Variants in KCNG3 observed in about 807,000 individuals in gnomAD.
KCNG3 encodes voltage-gated potassium channel regulatory subunit KCNG3.
KCNG3 carries 15 observed loss-of-function variants against 29.0 expected under a neutral mutation model. The ratio of observed to expected loss-of-function variants is 0.52; its 90% CI spans 0.35 to 0.80. The LOEUF (loss-of-function observed/expected upper bound fraction) is 0.80. Among genes scored for constraint, KCNG3 ranks in the 30% least tolerant of loss-of-function variants. The pLI is 0.01. For synonymous variants in KCNG3, 322 were observed against 248.9 expected (o/e 1.29, Z -2.76); for missense variants, 512 against 605.7 (o/e 0.85, Z 1.62).
At chr2:42,411,138 T>G in the KCNG3 span, among the ~76,000 whole-genome samples, 1 of 152,230 alleles carries the variant, frequency 6.6e-6, no homozygotes, top group Non-Finnish European at 1.5e-5. Context: ...TCTGTTTTAT[T>G]GATATGTCTA....
At chr2:42,479,749 G>A (rs994682640) in intron 1 of KCNG3, among the ~76,000 whole-genome samples, 1 of 150,646 alleles carries the variant, frequency 6.6e-6, no homozygotes. Flanking sequence ...GGTGACTCAC[G>A]CCTGTAATCC....
intron 1 of KCNG3, among the ~76,000 whole-genome samples, chr2:42,484,243 C>T (rs1268997717): frequency 1.3e-5 from 2 of 152,188 alleles, no homozygotes; most frequent in Non-Finnish European, 1.5e-5. Flanking sequence ...GGGTGGATCA[C>T]CTGAGGTCAG....
chr2:42,474,426 G>A (rs1230029377), intron 1 of KCNG3, among the ~76,000 whole-genome samples: 2 of 152,004 alleles, frequency 1.3e-5, no homozygotes, highest in Non-Finnish European at 2.9e-5. Flanking sequence ...TACTCGGGAG[G>A]CTGAGGCACG....
chr2:42,425,044 T>G, the KCNG3 span: 24,173 of 152,094 alleles, frequency 0.16, 2,037 homozygotes, highest in African/African-American at 0.22. Flanking sequence ...AACCCCCTCC[T>G]GGCGCTGCGG....
chr2:42,436,264 G>A, the KCNG3 span, among the ~76,000 whole-genome samples: 1 of 152,026 alleles, frequency 6.6e-6, no homozygotes, highest in Non-Finnish European at 1.5e-5. Context: ...ACTGCTAATG[G>A]GCACAGGGTA....
chr2:42,461,095 A>G (rs1673005037), intron 1 of KCNG3, among the ~76,000 whole-genome samples: 1 of 146,078 alleles, frequency 6.8e-6, no homozygotes, highest in South Asian at 2.2e-4. Flanking sequence ...CAGGAGGTGG[A>G]GCTTGCAGTG....
In KCNG3 at chr2:42,444,019, T is replaced by A; in HGVS notation, c.1226A>T (p.Tyr409Phe). The change falls in exon 2 of 2, where the codon TAC (tyrosine) becomes TTC (phenylalanine). Residue 409 changes from tyrosine (Y) to phenylalanine (F), a missense_variant. Around this residue, in one of 5 missense-constraint regions of KCNG3, gnomAD observed 173 missense variants for 262.4 expected, o/e 0.66. Coordinates refer to ENST00000306078, the MANE Select transcript of KCNG3 (RefSeq NM_133329.6). The surrounding 1 kb of genome is among the most constrained non-coding windows in gnomAD (Gnocchi z 5.8). Reference protein sequence around the residue: ...VLLALPITFIYHSFVQCYHEL... With the variant: ...VLLALPITFIFHSFVQCYHEL... ...ATGATAACACTGCACAAAGCTATGG[T>A]AGATAAAAGTGATAGGTAATGCCAA... The A allele has an allele frequency of 6.2e-7, 1 of 1,614,102 alleles. No individual in the cohort carries two copies.
chr2:42,454,923 G>C (rs1167171557), intron 1 of KCNG3, among the ~76,000 whole-genome samples: 1 of 152,090 alleles, frequency 6.6e-6, no homozygotes, highest in Non-Finnish European at 1.5e-5. Context: ...TGGGTACAGG[G>C]CTTCAGATTG....
At chr2:42,456,937 G>A (rs1439027765) in intron 1 of KCNG3, among the ~76,000 whole-genome samples, 2 of 151,814 alleles carry the variant, frequency 1.3e-5, no homozygotes, top group African/African-American at 2.4e-5. Flanking sequence ...AAAAAGTAGG[G>A]TTTTTTTGAG....
the KCNG3 span, among the ~76,000 whole-genome samples, chr2:42,421,015 A>G: frequency 6.6e-6 from 1 of 152,292 alleles, no homozygotes; most frequent in South Asian, 2.1e-4. Flanking sequence ...AGTAAGAATG[A>G]CTCACCATAA....
intron 1 of KCNG3, among the ~76,000 whole-genome samples, chr2:42,485,468 G>A (rs1284001085): frequency 2.0e-5 from 3 of 150,396 alleles, no homozygotes; most frequent in East Asian, 1.9e-4. Context: ...TTTTTAAGAC[G>A]GAGTCTCACT....
rs180679766 is a variant in KCNG3 at position 42,489,386 on chromosome 2, C to G, written c.665+3451G>C. 4.1e-3 allele frequency among the ~76,000 whole-genome samples: 618 copies of G among 152,184 alleles called. 1 individual carries two copies. The highest frequency in any genetic ancestry group is 6.9e-3 in the Non-Finnish European group (468 of 68,020). On this transcript the variant is annotated intron_variant, in intron 1 of 1. Coordinates refer to ENST00000306078, the MANE Select transcript of KCNG3 (RefSeq NM_133329.6). ...CCTGGGTGACAGAGTGAGATCTCTT[C>G]TCAATCAATCAACAAAAATACAAAA... is the stretch of plus-strand genomic sequence containing the variant.
intron 1 of KCNG3, among the ~76,000 whole-genome samples, chr2:42,487,214 A>G (rs1673746756): frequency 6.6e-6 from 1 of 151,792 alleles, no homozygotes; most frequent in South Asian, 2.1e-4. Flanking sequence ...ATTTTTGCTC[A>G]ACAAATAGAT....
At chr2:42,402,553 C>A in the KCNG3 span, among the ~76,000 whole-genome samples, 1 of 152,144 alleles carries the variant, frequency 6.6e-6, no homozygotes, top group Non-Finnish European at 1.5e-5. Context: ...TGTTTTTTCA[C>A]GCACAGATGT....
chr2:42,394,827 T>C, the KCNG3 span, among the ~76,000 whole-genome samples: 1 of 152,204 alleles, frequency 6.6e-6, no homozygotes, highest in Non-Finnish European at 1.5e-5. Flanking sequence ...CCGGCACACG[T>C]CCTCAACCTT....
intron 1 of KCNG3, among the ~76,000 whole-genome samples, chr2:42,446,589 T>C (rs752008828): frequency 2.6e-5 from 4 of 152,044 alleles, no homozygotes; most frequent in Non-Finnish European, 5.9e-5. Context: ...AGAAGTACAA[T>C]GGAGAGAGAA....
intron 1 of KCNG3, among the ~76,000 whole-genome samples, chr2:42,452,243 ATTTTTT>A (rs771771721): frequency 2.1e-5 from 2 of 95,052 alleles, no homozygotes; most frequent in African/African-American, 7.9e-5. Flanking sequence ...ATATATATAT[ATTTTTT>A]TTTTTTTTTT....
At chr2:42,393,329 G>A in the KCNG3 span, among the ~76,000 whole-genome samples, 2 of 151,730 alleles carry the variant, frequency 1.3e-5, no homozygotes, top group Non-Finnish European at 2.9e-5. Context: ...GAGAGGCCAA[G>A]GTGGGCAGAT....
At chr2:42,450,639 CACT>C (rs1469517700) in intron 1 of KCNG3, among the ~76,000 whole-genome samples, 3 of 152,172 alleles carry the variant, frequency 2.0e-5, no homozygotes, top group Non-Finnish European at 4.4e-5. Context: ...AAATATTCAC[CACT>C]GACTGATGCC....
Sources: allele counts gnomAD v4.1 joint callset (sites outside exome capture counted in the v4.1 genomes callset), GRCh38; gene constraint gnomAD v4.1.1; regional missense constraint gnomAD v4.1.1; non-coding constraint Gnocchi (gnomAD v3.1); transcripts MANE v1.5; gene names NCBI Gene and HGNC (gene_info 2026-07-23, HGNC 2026-07-21).